TRIO: variants seen among roughly 807,000 people sequenced by gnomAD.
The protein encoded by TRIO is triple functional domain protein.
Under a neutral mutation model 351.9 loss-of-function variants are expected in TRIO, and 58 were observed. That is an observed-to-expected ratio of 0.16 (90% CI 0.13 to 0.21). The LOEUF is 0.21. Among genes scored for constraint, TRIO ranks in the 10% least tolerant of loss-of-function variants. The pLI is 1.00. For missense variants in TRIO, 3,201 were observed against 4,027.8 expected (o/e 0.79, Z 5.56); for synonymous variants, 1,758 against 1,595.7 (o/e 1.10, Z -2.42).
At chr5:14,289,855 A>T (rs1033275929) in intron 4 of TRIO, among the ~76,000 whole-genome samples, 16 of 152,180 alleles carry the variant, frequency 1.1e-4, no homozygotes, top group East Asian at 9.7e-4. Context: ...TCTCAAAAAA[A>T]AATAATAATA....
At chr5:14,448,551 C>T (rs534160654) in intron 34 of TRIO, among the ~76,000 whole-genome samples, 85 of 152,324 alleles carry the variant, frequency 5.6e-4, no homozygotes, top group African/African-American at 2.0e-3. Flanking sequence ...GGGCTCGATG[C>T]GGGCAGTGGG....
chr5:14,289,930 T>C (rs917801228), intron 4 of TRIO, among the ~76,000 whole-genome samples: 7 of 152,234 alleles, frequency 4.6e-5, no homozygotes, highest in Non-Finnish European at 8.8e-5. Flanking sequence ...TAAATTGCAA[T>C]GTAGTACAGA....
chr5:14,377,221 TC>T (rs1179754429), intron 19 of TRIO, among the ~76,000 whole-genome samples: 36 of 151,884 alleles, frequency 2.4e-4, no homozygotes, highest in African/African-American at 8.4e-4. Flanking sequence ...TCCTTTCCTC[TC>T]CTAAGGGGTT....
chr5:14,405,815 C>G (rs749201913), intron 31 of TRIO, 33 bp from the exon 32 acceptor site: 1 of 1,604,226 alleles, frequency 6.2e-7, no homozygotes, highest in Admixed American at 1.7e-5. Flanking sequence ...AAGGGCCGTT[C>G]CGTATCCTAA....
chr5:14,391,993 C>T (rs1747123954), intron 27 of TRIO, among the ~76,000 whole-genome samples: 1 of 152,152 alleles, frequency 6.6e-6, no homozygotes, highest in Admixed American at 6.5e-5. Context: ...TGCCATCAGA[C>T]AAAATTCAGC....
At chr5:14,379,124 G>C (rs1745836202) in intron 20 of TRIO, among the ~76,000 whole-genome samples, 1 of 152,158 alleles carries the variant, frequency 6.6e-6, no homozygotes, top group South Asian at 2.1e-4. Flanking sequence ...CAGGGGAGAA[G>C]GTGATTCCCC....
intron 1 of TRIO, among the ~76,000 whole-genome samples, chr5:14,251,073 G>A (rs1002649205): frequency 1.3e-5 from 2 of 152,136 alleles, no homozygotes; most frequent in Non-Finnish European, 1.5e-5. Context: ...GGGGTAGGGG[G>A]TGTGAGCCCT....
intron 20 of TRIO, among the ~76,000 whole-genome samples, chr5:14,380,348 TCCTCGCTCCTC>T (rs1374902807): frequency 9.4e-5 from 14 of 149,472 alleles, no homozygotes; most frequent in Admixed American, 8.6e-4. Flanking sequence ...CGCTCCTCGC[TCCTCGCTCCTC>T]CCTCGCTCCT....
chr5:14,406,555 G>GT lies in TRIO; in HGVS notation c.4860-15dup, dbSNP rs1322066557. On this transcript the variant is annotated splice_polypyrimidine_tract_variant and intron_variant, in intron 32 of 56. Transcript: ENST00000344204. ...AGCTCAGCAGCATCAGGAACTAAAA[G>GT]TTTCTTTGCACCGCCAGGGATGGAG... 6 of 1,613,354 alleles carry GT rather than the reference G, an allele frequency of 3.7e-6. No homozygotes were observed. The African/African-American group carries it at 4.0e-5, about 11-fold the overall frequency.
chr5:14,482,496 G>A, intron 45 of TRIO, 86 bp from the exon 46 acceptor site: 1 of 1,078,676 alleles, frequency 9.3e-7, no homozygotes, highest in Non-Finnish European at 1.2e-6. Flanking sequence ...TTCCATAGGA[G>A]GAAATCTAAA....
chr5:14,284,415 T>C (rs891763786), intron 3 of TRIO, among the ~76,000 whole-genome samples: 1 of 152,164 alleles, frequency 6.6e-6, no homozygotes, highest in East Asian at 1.9e-4. Context: ...GACTGGCTTT[T>C]AACTTGATAA....
chr5:14,431,416 A>G (rs1751126019), intron 34 of TRIO, among the ~76,000 whole-genome samples: 1 of 152,242 alleles, frequency 6.6e-6, no homozygotes, highest in African/African-American at 2.4e-5. Context: ...CCTTTCAAAC[A>G]TTCGAGAGGA....
chr5:14,232,676 G>A lies in TRIO; in HGVS notation c.158-38149G>A, dbSNP rs706277. On this transcript the variant is annotated intron_variant, in intron 1 of 56. Coordinates refer to ENST00000344204, the MANE Select transcript of TRIO (RefSeq NM_007118.4). ...AGATAATGAGAGAGGCTCTAATAGC[G>A]AGGTGTGTATCCTTTGAGCTATGGA... 5.6e-4 allele frequency among the ~76,000 whole-genome samples: 85 copies of A among 152,300 alleles called. 1 individual carries two copies. Among genetic ancestry groups the A allele is most frequent in the Middle Eastern group, 3.4e-3 (1 of 292 alleles).
intron 32 of TRIO, 141 bp downstream of exon 32, chr5:14,406,131 A>T (rs1748694609): frequency 1.6e-6 from 2 of 1,213,740 alleles, no homozygotes; most frequent in Non-Finnish European, 2.3e-6. Context: ...GGATAACATC[A>T]TTCTTAGTAA....
At chr5:14,456,230 C>T (rs894768379) in intron 34 of TRIO, among the ~76,000 whole-genome samples, 2 of 152,270 alleles carry the variant, frequency 1.3e-5, no homozygotes, top group African/African-American at 4.8e-5. Flanking sequence ...GCACCGCACA[C>T]AGCCCCAGTT....
chr5:14,275,685 A>T (rs1735434774), intron 2 of TRIO, among the ~76,000 whole-genome samples: 1 of 151,338 alleles, frequency 6.6e-6, no homozygotes, highest in African/African-American at 2.4e-5. Context: ...CAAAAATGTA[A>T]TAGGCCTCAT....
intron 6 of TRIO, among the ~76,000 whole-genome samples, chr5:14,295,033 T>C (rs1737229595): frequency 6.6e-6 from 1 of 152,140 alleles, no homozygotes; most frequent in South Asian, 2.1e-4. Context: ...GCCATGAAGG[T>C]GATGCCTGCT....
chr5:14,224,812 C>T (rs950897935), intron 1 of TRIO, among the ~76,000 whole-genome samples: 2 of 151,764 alleles, frequency 1.3e-5, no homozygotes, highest in Non-Finnish European at 2.9e-5. Context: ...ACAGGACATA[C>T]CACCAATTTT....
At chr5:14,333,365 C>G (rs1297691069) in intron 10 of TRIO, among the ~76,000 whole-genome samples, 1 of 152,084 alleles carries the variant, frequency 6.6e-6, no homozygotes, top group African/African-American at 2.4e-5. Flanking sequence ...CTTGGGATGC[C>G]GTGTTTTCCC....
Sources: gnomAD v4.1 joint callset for allele counts (sites outside exome capture counted in the v4.1 genomes callset) on GRCh38, gnomAD v4.1.1 for gene constraint, MANE v1.5 for transcripts, NCBI Gene and HGNC (gene_info 2026-07-23, HGNC 2026-07-21) for gene names.